Variants in KIF16B observed in about 807,000 individuals in gnomAD.
The protein encoded by KIF16B is kinesin family member 16B.
A neutral mutation model predicts 156.3 loss-of-function variants in KIF16B; 98 were observed. The observed-to-expected ratio is 0.63, with a 90% confidence interval of 0.53 to 0.74. The LOEUF (loss-of-function observed/expected upper bound fraction) is 0.74, where lower values mean the gene tolerates loss of function less well. Ranked by LOEUF, KIF16B falls within the 30% of genes least tolerant of loss-of-function variation. KIF16B has a pLI of 0.00. For missense variants in KIF16B, 1,421 were observed against 1,606.5 expected (o/e 0.88, Z 1.97); for synonymous variants, 564 against 583.7 (o/e 0.97, Z 0.49).
intron 12 of KIF16B, among the ~76,000 whole-genome samples, chr20:16,431,938 A>ACACACACACACACACACG (rs1163376065): frequency 1.3e-5 from 2 of 150,262 alleles, no homozygotes; most frequent in African/African-American, 4.9e-5. Context: ...ACACACACAC[A>ACACACACACACACACACG]CGCACAAGTT....
chr20:16,550,920 T>C (rs1317297817), intron 1 of KIF16B, among the ~76,000 whole-genome samples: 2 of 152,144 alleles, frequency 1.3e-5, no homozygotes, highest in Non-Finnish European at 2.9e-5. Flanking sequence ...TGCCAACATA[T>C]TTAAAATAAT....
At chr20:16,471,228 G>C (rs1195978550) in intron 12 of KIF16B, among the ~76,000 whole-genome samples, 1 of 152,064 alleles carries the variant, frequency 6.6e-6, no homozygotes, top group East Asian at 1.9e-4. Context: ...TCATTGAAAA[G>C]CACTACTAAT....
intron 1 of KIF16B, among the ~76,000 whole-genome samples, chr20:16,531,012 T>C (rs1186155944): frequency 1.3e-5 from 2 of 152,086 alleles, no homozygotes; most frequent in Non-Finnish European, 2.9e-5. Flanking sequence ...ATACATATTG[T>C]TTTAAGCCCC....
At chr20:16,562,511 T>C (rs1300635333) in intron 1 of KIF16B, among the ~76,000 whole-genome samples, 5 of 152,152 alleles carry the variant, frequency 3.3e-5, no homozygotes, top group Non-Finnish European at 7.4e-5. Context: ...ACAAACGCCG[T>C]GACTACGGAT....
At chr20:16,470,329 CT>C (rs2067624891) in intron 12 of KIF16B, among the ~76,000 whole-genome samples, 1 of 152,002 alleles carries the variant, frequency 6.6e-6, no homozygotes, top group Admixed American at 6.5e-5. Context: ...AAGGTAAATT[CT>C]AAATTTTGAG....
intron 1 of KIF16B, among the ~76,000 whole-genome samples, chr20:16,550,468 T>C (rs963298762): frequency 6.6e-6 from 1 of 151,516 alleles, no homozygotes; most frequent in Admixed American, 6.6e-5. Flanking sequence ...GATCTAGAAC[T>C]AGAAATATCA....
chr20:16,346,810 C>G (rs2064242844), intron 23 of KIF16B, among the ~76,000 whole-genome samples: 1 of 152,188 alleles, frequency 6.6e-6, no homozygotes, highest in African/African-American at 2.4e-5. Context: ...CTCTGTGAAG[C>G]AGGTGAGGTA....
At chr20:16,439,843 C>G (rs1308793216) in intron 12 of KIF16B, among the ~76,000 whole-genome samples, 2 of 152,160 alleles carry the variant, frequency 1.3e-5, no homozygotes, top group East Asian at 3.9e-4. Flanking sequence ...TATTCGCTAT[C>G]ATGAGAACAG....
chr20:16,299,210 A>T (rs1049692760), intron 25 of KIF16B, among the ~76,000 whole-genome samples: 1 of 152,252 alleles, frequency 6.6e-6, no homozygotes, highest in Non-Finnish European at 1.5e-5. Flanking sequence ...GCTTTAAAAT[A>T]ATCCCATGTG....
chr20:16,347,364 T>C, intron 23 of KIF16B, among the ~76,000 whole-genome samples: 1 of 152,228 alleles, frequency 6.6e-6, no homozygotes, highest in Middle Eastern at 3.4e-3. Flanking sequence ...AATCTTATAA[T>C]AAAAAAATAG....
At chr20:16,274,920 TTTG>T (rs1485544541) in intron 25 of KIF16B, among the ~76,000 whole-genome samples, 29 of 152,366 alleles carry the variant, frequency 1.9e-4, no homozygotes, top group African/African-American at 6.3e-4. Context: ...TCAACGAGAA[TTTG>T]TTAATTCTCC....
intron 12 of KIF16B, among the ~76,000 whole-genome samples, chr20:16,442,348 G>GTGTA (rs753220723): frequency 6.7e-6 from 1 of 149,664 alleles, no homozygotes; most frequent in South Asian, 2.1e-4. Context: ...GTGTGTGTGT[G>GTGTA]TATATATATA....
At chr20:16,324,331 C>A (rs2063812263) in intron 24 of KIF16B, among the ~76,000 whole-genome samples, 1 of 151,880 alleles carries the variant, frequency 6.6e-6, no homozygotes, top group Non-Finnish European at 1.5e-5. Flanking sequence ...GAGCATGGGA[C>A]CAGGAATTAG....
At chr20:16,506,585 T>A (rs888139498) in intron 7 of KIF16B, among the ~76,000 whole-genome samples, 9 of 152,136 alleles carry the variant, frequency 5.9e-5, no homozygotes, top group African/African-American at 2.2e-4. Context: ...TATAGACAAG[T>A]ACGGAAAAGA....
intron 11 of KIF16B, among the ~76,000 whole-genome samples, chr20:16,496,676 T>A (rs2068460311): frequency 6.6e-6 from 1 of 152,206 alleles, no homozygotes; most frequent in African/African-American, 2.4e-5. Flanking sequence ...AAACTATTGT[T>A]AAGAAACAAT....
chr20:16,556,950 T>C (rs1250242707), intron 1 of KIF16B, among the ~76,000 whole-genome samples: 4 of 152,098 alleles, frequency 2.6e-5, no homozygotes, highest in African/African-American at 7.2e-5. Context: ...TGCTGTCCAA[T>C]ATGGCAGCTA....
chr20:16,334,316 A>G (rs2063998462), intron 24 of KIF16B, among the ~76,000 whole-genome samples: 1 of 152,254 alleles, frequency 6.6e-6, no homozygotes, highest in Non-Finnish European at 1.5e-5. Context: ...AGCTCACTTT[A>G]AAAACAAGCT....
rs2070753140 is a variant in KIF16B, at chr20:16,553,862, C to T, written c.47+19367G>A. Among the ~76,000 whole-genome samples the T allele has an allele frequency of 4.6e-5, 7 of 150,860 alleles. 1 individual carries two copies. The highest frequency in any genetic ancestry group is 4.6e-4 in the Admixed American group (7 of 15,142). ...GGAGCAGACAGGAGCAGACAGGAGCCCAAAGCAGGAAGGAGTCCTGCACTG... is the reference window on the plus strand; with the variant it reads ...GGAGCAGACAGGAGCAGACAGGAGCTCAAAGCAGGAAGGAGTCCTGCACTG... On this transcript the variant is annotated intron_variant, in intron 1 of 25. Coordinates refer to ENST00000354981, the MANE Select transcript of KIF16B (RefSeq NM_024704.5).
At chr20:16,408,435 A>G (rs1430983010) in intron 15 of KIF16B, among the ~76,000 whole-genome samples, 1 of 152,160 alleles carries the variant, frequency 6.6e-6, no homozygotes, top group Non-Finnish European at 1.5e-5. Context: ...CTAGGACTAC[A>G]TAGTAAGCCA....
Sources: gnomAD v4.1 joint callset for allele counts (sites outside exome capture counted in the v4.1 genomes callset) on GRCh38, gnomAD v4.1.1 for gene constraint, MANE v1.5 for transcripts, NCBI Gene and HGNC (gene_info 2026-07-23, HGNC 2026-07-21) for gene names.